KLRF1: variants seen among roughly 807,000 people sequenced by gnomAD.
KLRF1 encodes killer cell lectin like receptor F1.
In KLRF1, 27 loss-of-function variants were observed where a neutral mutation model predicts 30.7. The observed-to-expected ratio is 0.88, with a 90% CI of 0.65 to 1.21. The LOEUF (loss-of-function observed/expected upper bound fraction) is 1.21, where lower values mean the gene tolerates loss of function less well. Among genes scored for constraint, KLRF1 ranks in the 50% most tolerant of loss-of-function variants. The pLI, the probability that KLRF1 is intolerant of heterozygous loss-of-function variation, is 0.00. For synonymous variants in KLRF1, 92 were observed against 89.3 expected (o/e 1.03, Z -0.17); for missense variants, 246 against 259.3 (o/e 0.95, Z 0.35).
rs978465200 is a variant in KLRF1 at position 9,841,850 on chromosome 12, T to G, written c.373T>G (p.Cys125Gly). 5 of 1,606,656 alleles carry G rather than the reference T, an allele frequency of 3.1e-6. No individual in the cohort carries two copies. The highest frequency in any genetic ancestry group is 3.4e-6 in the Non-Finnish European group (4 of 1,175,332). Residue 125 changes from cysteine (C) to glycine (G), a missense_variant, in exon 4 of 6, where the codon TGT (cysteine) becomes GGT (glycine). Cys to Gly is a radical substitution (Grantham distance 159, BLOSUM62 -3). Coordinates refer to ENST00000617889, the MANE Select transcript of KLRF1 (RefSeq NM_016523.3). ...QSEWLKYQGK[C>G]YWFSNEMKSW... ...AGAATGGCTCAAATACCAAGGGAAG[T>G]GTTATTGGTTCTCTAATGAGATGAA...
chr12:9,836,616 T>A (rs1383147567), intron 3 of KLRF1, among the ~76,000 whole-genome samples: 1 of 152,190 alleles, frequency 6.6e-6, no homozygotes, highest in African/African-American at 2.4e-5. Flanking sequence ...ATAATTATTA[T>A]AAAAGGATTT....
At chr12:9,822,174 TGAAATGACA>T in the KLRF1 span, among the ~76,000 whole-genome samples, 1 of 152,202 alleles carries the variant, frequency 6.6e-6, no homozygotes, top group Non-Finnish European at 1.5e-5. Flanking sequence ...CAGAGCTGAC[TGAAATGACA>T]GAAATAGAAT....
chr12:9,810,341 A>G, the KLRF1 span, among the ~76,000 whole-genome samples: 2 of 152,204 alleles, frequency 1.3e-5, no homozygotes, highest in African/African-American at 2.4e-5. Flanking sequence ...AGCTGTGTTA[A>G]TAAGTGGTTA....
intron 5 of KLRF1, among the ~76,000 whole-genome samples, chr12:9,843,887 A>C (rs980603739): frequency 2.0e-5 from 3 of 152,150 alleles, no homozygotes; most frequent in South Asian, 2.1e-4. Flanking sequence ...CACTAACACT[A>C]CATTATTTTA....
chr12:9,809,528 A>G, the KLRF1 span, among the ~76,000 whole-genome samples: 13 of 152,284 alleles, frequency 8.5e-5, no homozygotes, highest in African/African-American at 3.1e-4. Context: ...GAATCAGGAA[A>G]AGGGCTGCTG....
At chr12:9,808,586 G>A in the KLRF1 span, among the ~76,000 whole-genome samples, 1 of 152,116 alleles carries the variant, frequency 6.6e-6, no homozygotes, top group Non-Finnish European at 1.5e-5. Flanking sequence ...CCCAAAAGCA[G>A]GAGTGAATGC....
chr12:9,819,190 C>T, the KLRF1 span, among the ~76,000 whole-genome samples: 4 of 152,236 alleles, frequency 2.6e-5, no homozygotes, highest in East Asian at 3.9e-4. Flanking sequence ...CTCAGGCACA[C>T]GCAGAGCCCT....
chr12:9,821,411 T>A, the KLRF1 span, among the ~76,000 whole-genome samples: 1 of 151,982 alleles, frequency 6.6e-6, no homozygotes, highest in African/African-American at 2.4e-5. Flanking sequence ...CATACCCCCA[T>A]CAAGCAACAG....
chr12:9,841,884 G>C lies in KLRF1; in HGVS notation c.407G>C (p.Ser136Thr). 1 of 1,611,386 alleles carries C rather than the reference G, an allele frequency of 6.2e-7. No individual in the cohort carries two copies. The highest frequency in any genetic ancestry group is 1.1e-5 in the South Asian group (1 of 91,002). Residue 136 changes from serine to threonine, a missense_variant, in exon 4 of 6, where the codon AGT (serine) becomes ACT (threonine). Ser to Thr is a moderately conservative substitution (Grantham distance 58). Coordinates refer to ENST00000617889, the MANE Select transcript of KLRF1 (RefSeq NM_016523.3). ...YWFSNEMKSW[S>T]DSYVYCLERK... ...TTCTCTAATGAGATGAAAAGCTGGA[G>C]TGACAGTTATGTGTATTGTTTGGAA...
chr12:9,819,108 C>T, the KLRF1 span, among the ~76,000 whole-genome samples: 5 of 152,094 alleles, frequency 3.3e-5, no homozygotes, highest in Non-Finnish European at 7.4e-5. Flanking sequence ...CAGGAGATCC[C>T]CTTGTGAACC....
chr12:9,821,922 A>C, the KLRF1 span, among the ~76,000 whole-genome samples: 2 of 152,042 alleles, frequency 1.3e-5, no homozygotes, highest in East Asian at 3.9e-4. Flanking sequence ...CATACCACCC[A>C]CTCCACTATG....
the KLRF1 span, chr12:9,817,245 C>A: frequency 1.7e-5 from 3 of 178,682 alleles, no homozygotes; most frequent in Admixed American, 1.3e-4. Flanking sequence ...TCCTTAATTT[C>A]ACAAAAACAA....
chr12:9,834,944 C>T (rs1435306990), intron 3 of KLRF1, among the ~76,000 whole-genome samples: 1 of 151,886 alleles, frequency 6.6e-6, no homozygotes, highest in Non-Finnish European at 1.5e-5. Flanking sequence ...GCCTGGAGGA[C>T]TGATAAAGTT....
chr12:9,830,090 G>A (rs903466330), intron 1 of KLRF1, among the ~76,000 whole-genome samples: 2 of 151,896 alleles, frequency 1.3e-5, no homozygotes, highest in South Asian at 2.1e-4. Context: ...CTCAGTTTTC[G>A]GTTAGTTTTG....
At chr12:9,821,245 C>T in the KLRF1 span, among the ~76,000 whole-genome samples, 3 of 152,064 alleles carry the variant, frequency 2.0e-5, no homozygotes, top group Non-Finnish European at 4.4e-5. Flanking sequence ...GCTGCCCCAC[C>T]CCCATGGCTG....
chr12:9,830,094 AGTTTT>A (rs10643734), intron 1 of KLRF1, among the ~76,000 whole-genome samples: 4 of 152,080 alleles, frequency 2.6e-5, no homozygotes, highest in African/African-American at 9.7e-5. Context: ...GTTTTCGGTT[AGTTTT>A]GTTTTGTTTT....
chr12:9,842,865 TTC>T (rs1867736037), intron 5 of KLRF1, among the ~76,000 whole-genome samples: 1 of 152,128 alleles, frequency 6.6e-6, no homozygotes, highest in African/African-American at 2.4e-5. Flanking sequence ...ATTTTAAAAG[TTC>T]TGTCAACATT....
intron 3 of KLRF1, among the ~76,000 whole-genome samples, chr12:9,840,023 A>T (rs535289876): frequency 6.6e-6 from 1 of 152,286 alleles, no homozygotes; most frequent in South Asian, 2.1e-4. Flanking sequence ...ACCATAAAAT[A>T]GAATGTAGTA....
intron 3 of KLRF1, among the ~76,000 whole-genome samples, chr12:9,840,386 G>A (rs993503986): frequency 6.6e-6 from 1 of 151,994 alleles, no homozygotes; most frequent in African/African-American, 2.4e-5. Flanking sequence ...TAAATAAAAA[G>A]AGACAGATTG....
Sources: gnomAD v4.1 joint callset for allele counts (sites outside exome capture counted in the v4.1 genomes callset) on GRCh38, gnomAD v4.1.1 for gene constraint, MANE v1.5 for transcripts, NCBI Gene and HGNC (gene_info 2026-07-23, HGNC 2026-07-21) for gene names.